Variants in SLC44A1 observed in about 807,000 individuals in gnomAD.
SLC44A1 encodes the protein choline transporter-like protein 1.
Under a neutral mutation model 79.3 loss-of-function variants are expected in SLC44A1, and 26 were observed. The ratio of observed to expected loss-of-function variants is 0.33; its 90% CI spans 0.24 to 0.46. The LOEUF (loss-of-function observed/expected upper bound fraction) is 0.46, where lower values mean the gene tolerates loss of function less well. Ranked by LOEUF, SLC44A1 falls within the 20% of genes least tolerant of loss-of-function variation. The probability of loss-of-function intolerance (pLI) is 1.00; values close to 1 mark genes in which losing one functional copy is unlikely to be tolerated. For missense variants in SLC44A1, 688 were observed against 798.1 expected, an observed-to-expected ratio of 0.86 and a Z score of 1.66; for synonymous variants, 263 against 286.2, an observed-to-expected ratio of 0.92 and a Z score of 0.82.
chr9:105,437,025 C>T (rs866496062), intron 15 of SLC44A1, among the ~76,000 whole-genome samples: 3 of 152,232 alleles, frequency 2.0e-5, no homozygotes, highest in South Asian at 2.1e-4. Context: ...GACTGTATCT[C>T]GTTACTTCTG....
intron 15 of SLC44A1, among the ~76,000 whole-genome samples, chr9:105,425,790 T>C (rs1254741792): frequency 2.0e-5 from 3 of 152,118 alleles, no homozygotes; most frequent in Admixed American, 6.5e-5. Flanking sequence ...GCCACTGCAC[T>C]CCAGCCTGGG....
chr9:105,382,047 G>GA (rs1828483555), intron 13 of SLC44A1, among the ~76,000 whole-genome samples: 1 of 151,568 alleles, frequency 6.6e-6, no homozygotes, highest in Admixed American at 6.6e-5. Flanking sequence ...ATCCATTACT[G>GA]CTGTGGATCA....
chr9:105,289,576 A>C (rs1423942524), intron 1 of SLC44A1, among the ~76,000 whole-genome samples: 2 of 152,206 alleles, frequency 1.3e-5, no homozygotes. Flanking sequence ...TTCCTCTGGT[A>C]GGGATTTGGT....
intron 12 of SLC44A1, among the ~76,000 whole-genome samples, chr9:105,369,323 G>T (rs1221267376): frequency 6.6e-6 from 1 of 152,130 alleles, no homozygotes; most frequent in Non-Finnish European, 1.5e-5. Flanking sequence ...AAATTCAGTG[G>T]TTTGTGCGGG....
chr9:105,400,257 G>A (rs1828939499), downstream of SLC44A1, among the ~76,000 whole-genome samples: 1 of 152,152 alleles, frequency 6.6e-6, no homozygotes, highest in Non-Finnish European at 1.5e-5. Flanking sequence ...TTGGGAGGCT[G>A]AGGCAGGTGG....
At position 105,365,482 on chromosome 9, in the gene SLC44A1, G is replaced by A; in HGVS notation, c.1254-1G>A. On this transcript the variant is annotated splice_acceptor_variant, in intron 10 of 15. Transcript: ENST00000374720. LOFTEE classifies it high-confidence loss of function. ...TGTCTTTTTGGTCATTTTTTAAATA[G>A]GGATAAAAGGAATTTGCCATTTACA... The A allele has an allele frequency of 6.2e-7, 1 of 1,608,058 alleles. No individual in the cohort carries two copies. The highest frequency in any genetic ancestry group is 8.5e-7 in the Non-Finnish European group (1 of 1,176,376).
At chr9:105,410,580 A>G (rs948977545) in intron 15 of SLC44A1, among the ~76,000 whole-genome samples, 1 of 152,236 alleles carries the variant, frequency 6.6e-6, no homozygotes, top group Non-Finnish European at 1.5e-5. Context: ...AGTGTTGACG[A>G]GAACACTCAT....
Position 105,394,088 on chromosome 9 carries a change from A to G in SLC44A1, c.*5032A>G. On this transcript the variant is annotated 3_prime_UTR_variant, in exon 16 of 16. Transcript: ENST00000374720. ...CACATCACATGTCTGTGAACACTCA[A>G]AATGCTCATAGAATTTCAGGGCCCT... 1.0e-6 allele frequency: 1 copy of G among 985,364 alleles called. No individual in the cohort carries two copies. Among genetic ancestry groups the G allele is most frequent in the Non-Finnish European group, 1.2e-6 (1 of 829,880 alleles). 61.0% of individuals were successfully genotyped at this position (985,364 alleles called of 1,614,324 possible).
intron 13 of SLC44A1, among the ~76,000 whole-genome samples, chr9:105,379,118 A>G (rs1192684985): frequency 6.6e-6 from 1 of 152,196 alleles, no homozygotes; most frequent in Non-Finnish European, 1.5e-5. Flanking sequence ...CTGCAAAAAA[A>G]TACAAAAATT....
chr9:105,311,476 T>G (rs1011351729), intron 3 of SLC44A1, among the ~76,000 whole-genome samples: 4 of 152,150 alleles, frequency 2.6e-5, no homozygotes, highest in Non-Finnish European at 4.4e-5. Flanking sequence ...CCATAAAGTT[T>G]GTGTAAATGC....
chr9:105,312,173 A>G (rs1351250605), intron 3 of SLC44A1, among the ~76,000 whole-genome samples: 1 of 152,108 alleles, frequency 6.6e-6, no homozygotes, highest in Non-Finnish European at 1.5e-5. Flanking sequence ...AATCTCAACT[A>G]TAGCTCTTTC....
In SLC44A1 at chr9:105,393,644, A is replaced by G. The variant is rs1434641615; in HGVS notation, c.*4588A>G. ...AAATACTGTAGTGCCCTTTCTTCCC[A>G]TCTTGATTTTGTACATGTAAAGACA... On this transcript the variant is annotated 3_prime_UTR_variant, in exon 16 of 16. Transcript: ENST00000374720. The G allele has an allele frequency of 2.0e-6, 2 of 984,104 alleles. No homozygotes were observed. The highest frequency in any genetic ancestry group is 2.4e-6 in the Non-Finnish European group (2 of 828,868). 61.0% of individuals were successfully genotyped at this position (984,104 alleles called of 1,614,324 possible).
intron 1 of SLC44A1, among the ~76,000 whole-genome samples, chr9:105,292,296 ATAT>A (rs1830619672): frequency 1.3e-5 from 2 of 152,340 alleles, no homozygotes; most frequent in Non-Finnish European, 2.9e-5. Context: ...CTACATGAAA[ATAT>A]TATTCCAGTA....
chr9:105,309,031 A>G (rs1386668402), intron 2 of SLC44A1, among the ~76,000 whole-genome samples: 1 of 152,202 alleles, frequency 6.6e-6, no homozygotes. Flanking sequence ...TTTGCAGTAT[A>G]CAAAGCCAGT....
At chr9:105,303,534 C>T (rs1830935671) in intron 2 of SLC44A1, among the ~76,000 whole-genome samples, 1 of 152,116 alleles carries the variant, frequency 6.6e-6, no homozygotes, top group Non-Finnish European at 1.5e-5. Flanking sequence ...GTTCTTAGCA[C>T]TTGACATATA....
At chr9:105,285,083 C>T (rs1427776217) in intron 1 of SLC44A1, among the ~76,000 whole-genome samples, 1 of 152,190 alleles carries the variant, frequency 6.6e-6, no homozygotes, top group Non-Finnish European at 1.5e-5. Context: ...ATGTGTGTAT[C>T]ATTACTTCAT....
At chr9:105,253,578 C>A (rs12343678) in intron 1 of SLC44A1, among the ~76,000 whole-genome samples, 28,452 of 151,982 alleles carry the variant, frequency 0.19, 4,430 homozygotes, top group African/African-American at 0.43. Context: ...AATAGCAAAA[C>A]AAATTAGCCA....
At chr9:105,406,213 CCACA>C (rs150777262) in intron 15 of SLC44A1, among the ~76,000 whole-genome samples, 2 of 151,080 alleles carry the variant, frequency 1.3e-5, no homozygotes, top group Non-Finnish European at 3.0e-5. Flanking sequence ...ACTTCAGTGG[CCACA>C]CACACACACA....
chr9:105,363,637 G>T (rs539001802), intron 9 of SLC44A1, among the ~76,000 whole-genome samples: 2 of 151,962 alleles, frequency 1.3e-5, no homozygotes, highest in East Asian at 3.9e-4. Flanking sequence ...GCTAATTTTT[G>T]TATCTTTAGT....
Sources: gnomAD v4.1 joint callset for allele counts (sites outside exome capture counted in the v4.1 genomes callset) on GRCh38, gnomAD v4.1.1 for gene constraint, MANE v1.5 for transcripts, NCBI Gene and HGNC (gene_info 2026-07-23, HGNC 2026-07-21) for gene names.